The following SIX2 variants were observed in gnomAD, a reference collection of about 807,000 sequenced individuals.
The protein encoded by SIX2 is homeobox protein SIX2.
Under a neutral mutation model 22.8 loss-of-function variants are expected in SIX2, and 20 were observed. That is an observed-to-expected ratio of 0.88 (90% CI 0.62 to 1.28). The LOEUF (loss-of-function observed/expected upper bound fraction) is 1.28. Ranked by LOEUF, SIX2 falls within the 50% of genes most tolerant of loss-of-function variation. The pLI is 0.00. For synonymous variants in SIX2, 195 were observed against 186.4 expected (o/e 1.05, Z -0.37); for missense variants, 360 against 400.0 (o/e 0.90, Z 0.85).
In SIX2 at chr2:45,006,674, C is replaced by T. The variant is rs568875721; in HGVS notation, c.561-189G>A. Among the ~76,000 whole-genome samples, 4 of 152,198 alleles carry T rather than the reference C, an allele frequency of 2.6e-5. No individual in the cohort carries two copies. The highest frequency in any genetic ancestry group is 5.9e-5 in the Non-Finnish European group (4 of 68,036). Reference sequence around the variant, plus strand: ...TCTCCTTTCTGCCCGTTCTCTCCATCTCTCAACACCCAATTTCTCTTGCCC... The same window carrying T: ...TCTCCTTTCTGCCCGTTCTCTCCATTTCTCAACACCCAATTTCTCTTGCCC... On this transcript the variant is annotated intron_variant, in intron 1 of 1. Coordinates refer to ENST00000303077, the MANE Select transcript of SIX2 (RefSeq NM_016932.5). The surrounding 1 kb of genome is among the most constrained non-coding windows in gnomAD (Gnocchi z 4.2).
rs368542610 is a variant in SIX2, at chr2:45,006,330, C to T, written c.716G>A (p.Gly239Glu). The change falls in exon 2 of 2, where the codon GGG becomes GAG. Residue 239 changes from glycine (G) to glutamate (E), a missense_variant. Gly to Glu is a moderately conservative substitution (Grantham distance 98). Around this residue, in one of 3 missense-constraint regions of SIX2, gnomAD observed 235 missense variants for 231.9 expected, o/e 1.01. Transcript: ENST00000303077. The surrounding 1 kb of genome is among the most constrained non-coding windows in gnomAD (Gnocchi z 4.2). ...GCCCAGGCTGTGCAGGGACGGCAGC[C>T]CAGGGGGCGGCGGGCTGAGGAGCAG... The part of the protein sequence containing the change: ...PALLLSPPPP[G>E]LPSLHSLGHP... 5.0e-6 allele frequency: 8 copies of T among 1,613,940 alleles called. No individual in the cohort carries two copies. Among genetic ancestry groups the T allele is most frequent in the Non-Finnish European group, 5.9e-6 (7 of 1,179,852 alleles).
chr2:45,006,508 G>A lies in SIX2; in HGVS notation c.561-23C>T. The stretch of plus-strand genomic sequence containing the variant: ...TCCCTGCAAGTGCGGGAGCAAAGCA[G>A]CGGGGTCAGCAGGGACATCGAGACC... On this transcript the variant is annotated intron_variant, in intron 1 of 1. Transcript: ENST00000303077. The surrounding 1 kb of genome is among the most constrained non-coding windows in gnomAD (Gnocchi z 4.2). The A allele has an allele frequency of 6.2e-7, 1 of 1,608,408 alleles. No homozygotes were observed. The highest frequency in any genetic ancestry group is 2.2e-5 in the East Asian group (1 of 44,868).
chr2:45,006,601 G>A lies in SIX2; in HGVS notation c.561-116C>T. 1 of 1,006,462 alleles carries A rather than the reference G, an allele frequency of 9.9e-7. No individual in the cohort carries two copies. Among genetic ancestry groups the A allele is most frequent in the African/African-American group, 1.6e-5 (1 of 63,390 alleles). The allele number at this position is 1,006,462 out of a possible 1,614,324, so 62.3% of individuals were successfully genotyped here. ...TCGGGAGACAGATCCCGGGCTTGTG[G>A]CCTGCGGGTGTTTTCGGTTTCTACC... On this transcript the variant is annotated intron_variant, in intron 1 of 1. Transcript: ENST00000303077. This position sits in a 1 kb window ranked among gnomAD's most constrained non-coding sequence, Gnocchi z 4.2.
In SIX2 at chr2:45,008,541, TTACTCG is replaced by T. The variant is rs778544715; in HGVS notation, c.560+4_560+9del. 22 of 1,613,040 alleles carry T rather than the reference TTACTCG, an allele frequency of 1.4e-5. No individual in the cohort carries two copies. The Admixed American group carries it at 3.7e-4, about 27-fold the overall frequency. On this transcript the variant is annotated splice_donor_5th_base_variant and intron_variant, in intron 1 of 1. Transcript: ENST00000303077. ...GGAGCTGGCGCCGAAGAAGGTCTAC[TTACTCG>T]TACCTTTCCTTGGCCTCGGCCGCCC...
In SIX2 at chr2:45,006,392, T is replaced by A. The variant is rs1435570189; in HGVS notation, c.654A>T (p.Pro218=). ...VLGSSEDEKT[P]SGTPDHSSSS... is the part of the protein sequence containing the mutation. ...ATGATGAGTGGTCTGGCGTCCCCGA[T>A]GGAGTCTTCTCATCCTCCGAGCTGC... The change falls in exon 2 of 2, where the codon CCA becomes CCT. Residue 218 remains proline, a synonymous_variant. Transcript: ENST00000303077. The surrounding 1 kb of genome is among the most constrained non-coding windows in gnomAD (Gnocchi z 4.2). The A allele has an allele frequency of 2.5e-6, 4 of 1,614,080 alleles. No homozygotes were observed. The highest frequency in any genetic ancestry group is 3.4e-6 in the Non-Finnish European group (4 of 1,180,032).
chr2:45,005,564 C>A lies in SIX2; in HGVS notation c.*606G>T. On this transcript the variant is annotated 3_prime_UTR_variant, in exon 2 of 2. Transcript: ENST00000303077. ...GTCCCTGTATTTTCTCTCCTCTTCC[C>A]TCTCCCACCCCCTACTCCGGTAAAG... is the stretch of plus-strand genomic sequence containing the variant. 6.1e-6 allele frequency: 1 copy of A among 162,680 alleles called. No homozygotes were observed. Among genetic ancestry groups the A allele is most frequent in the South Asian group, 1.6e-4 (1 of 6,146 alleles). 10.1% of individuals were successfully genotyped at this position (162,680 alleles called of 1,614,324 possible).
chr2:45,007,241 G>A (rs1045625449), intron 1 of SIX2, among the ~76,000 whole-genome samples: 29 of 152,150 alleles, frequency 1.9e-4, no homozygotes, highest in Admixed American at 6.5e-5. Context: ...CAGCCACTCC[G>A]GGAATCTGCA....
rs1053608184 is a variant in SIX2, at chr2:45,006,125, C to T, written c.*45G>A. The T allele has an allele frequency of 1.2e-6, 2 of 1,602,588 alleles. No homozygotes were observed. The highest frequency in any genetic ancestry group is 1.3e-5 in the African/African-American group (1 of 74,756). On this transcript the variant is annotated 3_prime_UTR_variant, in exon 2 of 2. Transcript: ENST00000303077. This position sits in a 1 kb window ranked among gnomAD's most constrained non-coding sequence, Gnocchi z 4.2. ...CCCTGGACACCGCCACTCCACGTCC[C>T]CAGTGTCAAGTCACAAAAGGCAAGC...
rs201430813 is a variant in SIX2, at chr2:45,009,066, C to A, written c.45G>T (p.Ala15=). 8.3e-5 allele frequency: 133 copies of A among 1,601,762 alleles called. 1 individual carries two copies. In the African/African-American group the frequency reaches 1.4e-3, roughly 17 times the overall value. The change falls in exon 1 of 2, where the codon GCG becomes GCT. Residue 15 remains alanine (A), a synonymous_variant. Coordinates refer to ENST00000303077, the MANE Select transcript of SIX2 (RefSeq NM_016932.5). ...PTFGFTQEQV[A]CVCEVLQQGG... Reference sequence around the variant, plus strand: ...CCTGCTGCAGCACCTCGCACACGCACGCCACTTGCTCCTGCGTGAAGCCGA... The same window carrying A: ...CCTGCTGCAGCACCTCGCACACGCAAGCCACTTGCTCCTGCGTGAAGCCGA...
rs538272152 is a variant in SIX2 at position 45,006,707 on chromosome 2, C to G, written c.561-222G>C. Among the ~76,000 whole-genome samples the G allele has an allele frequency of 6.6e-6, 1 of 152,328 alleles. No individual in the cohort carries two copies. The highest frequency in any genetic ancestry group is 1.5e-5 in the Non-Finnish European group (1 of 68,028). On this transcript the variant is annotated intron_variant, in intron 1 of 1. Transcript: ENST00000303077. The surrounding 1 kb of genome is among the most constrained non-coding windows in gnomAD (Gnocchi z 4.2). The stretch of plus-strand genomic sequence containing the variant: ...ACCCAATTTCTCTTGCCCCTCTGCC[C>G]TTATCGTCCCCACCTCTCATGCTGT...
rs1189229819 is a variant in SIX2 at position 45,008,931 on chromosome 2, G to A, written c.180C>T (p.Arg60=). 3 of 1,613,882 alleles carry A rather than the reference G, an allele frequency of 1.9e-6. No homozygotes were observed. The South Asian group carries it at 3.3e-5, about 18-fold the overall frequency. Residue 60 remains arginine (R), a synonymous_variant, in exon 1 of 2, where the codon CGC becomes CGT. Transcript: ENST00000303077. Reference sequence around the variant, plus strand: ...TCTTGTAGAGCTCGCGGAAGTTGCCGCGGTGGAAGGCCACCACGGCCTTGG... The same window carrying A: ...TCTTGTAGAGCTCGCGGAAGTTGCCACGGTGGAAGGCCACCACGGCCTTGG... ...LKAKAVVAFH[R]GNFRELYKIL...
rs1667825160 is a variant in SIX2, at chr2:45,009,116, C to G, written c.-6G>C. On this transcript the variant is annotated 5_prime_UTR_variant, in exon 1 of 2. Transcript: ENST00000303077. ...AAGGTGGGCAGCATGGACATGGTGC[C>G]GGCTGCGTCCCCGCCCGCCCGCGCG... The G allele has an allele frequency of 3.9e-6, 6 of 1,550,654 alleles. No individual in the cohort carries two copies. The highest frequency in any genetic ancestry group is 2.3e-4 in the Middle Eastern group (1 of 4,372).
At position 45,005,754 on chromosome 2, in the gene SIX2, G is replaced by T. The variant is rs1417217218; in HGVS notation, c.*416C>A. On this transcript the variant is annotated 3_prime_UTR_variant, in exon 2 of 2. Transcript: ENST00000303077. The stretch of plus-strand genomic sequence containing the variant: ...AGACAGAAGGAGAGAATGAACGGTG[G>T]CAAGCTAGAAATCTAGAAGGAAAGC... The T allele has an allele frequency of 3.1e-6, 1 of 322,942 alleles. No homozygotes were observed. Among genetic ancestry groups the T allele is most frequent in the African/African-American group, 2.1e-5 (1 of 46,542 alleles). The allele number at this position is 322,942 out of a possible 1,614,324, so 20.0% of individuals were successfully genotyped here. A position where few individuals can be genotyped will look rare whatever the true frequency, so the allele number is the denominator to read the frequency against.
rs1451062432 is a variant in SIX2 at position 45,009,089 on chromosome 2, C to A, written c.22G>T (p.Gly8Cys). The A allele has an allele frequency of 1.6e-5, 26 of 1,585,736 alleles. No homozygotes were observed. Among genetic ancestry groups the A allele is most frequent in the South Asian group, 2.2e-5 (2 of 89,346 alleles). MSMLPTF[G>C]FTQEQVACVC... ...CACGCCACTTGCTCCTGCGTGAAGC[C>A]GAAGGTGGGCAGCATGGACATGGTG... is the stretch of plus-strand genomic sequence containing the variant. The change falls in exon 1 of 2, where the codon GGC becomes TGC. Residue 8 changes from glycine to cysteine, a missense_variant. Physicochemically the swap from Gly to Cys is radical, Grantham distance 159 (BLOSUM62 -3). Coordinates refer to ENST00000303077, the MANE Select transcript of SIX2 (RefSeq NM_016932.5).
chr2:45,009,147 T>C lies in SIX2; in HGVS notation c.-37A>G. ...CGTCCCCGCCCGCCCGCGCGCGCCC[T>C]CACCGGGCCGCGCGGTCCCGCATGG... On this transcript the variant is annotated 5_prime_UTR_variant, in exon 1 of 2. It removes the in-frame stop codon of an upstream open reading frame in the 5' UTR. Transcript: ENST00000303077. 11 of 1,469,548 alleles carry C rather than the reference T, an allele frequency of 7.5e-6. No individual in the cohort carries two copies. The highest frequency in any genetic ancestry group is 2.5e-4 in the Middle Eastern group (1 of 4,048). 91.0% of individuals were successfully genotyped at this position (1,469,548 alleles called of 1,614,324 possible).
chr2:45,008,384 C>T (rs965244941), intron 1 of SIX2, among the ~76,000 whole-genome samples, 167 bp downstream of exon 1: 1 of 152,284 alleles, frequency 6.6e-6, no homozygotes, highest in African/African-American at 2.4e-5. Context: ...GCCGGGTCTC[C>T]GGCATAGAAA....
Position 45,005,230 on chromosome 2 carries a change from A to G in SIX2, c.*940T>C, listed in dbSNP as rs559236812. 2 of 152,452 alleles carry G rather than the reference A, an allele frequency of 1.3e-5. No individual in the cohort carries two copies. Among genetic ancestry groups the G allele is most frequent in the South Asian group, 4.1e-4 (2 of 4,828 alleles). 9.4% of individuals were successfully genotyped at this position (152,452 alleles called of 1,614,324 possible). On this transcript the variant is annotated 3_prime_UTR_variant, in exon 2 of 2. Transcript: ENST00000303077. ...ATTTATGATTTCTAATTTTATTATA[A>G]AATAAAAGCAGAAATATTTCCCGAA...
Position 45,008,574 on chromosome 2 carries a change from G to A in SIX2, c.537C>T (p.Asp179=), listed in dbSNP as rs746242850. The stretch of plus-strand genomic sequence containing the variant: ...ACCTTTCCTTGGCCTCGGCCGCCCG[G>A]TCGCGCTGCCGCCGGTTCTTGAACC... ...SNWFKNRRQR[D]RAAEAKEREN... is the part of the protein sequence containing the mutation. The change falls in exon 1 of 2, where the codon GAC becomes GAT. Residue 179 remains aspartate, a synonymous_variant. Transcript: ENST00000303077. 5 of 1,613,892 alleles carry A rather than the reference G, an allele frequency of 3.1e-6. No homozygotes were observed. In the South Asian group the frequency reaches 5.5e-5, roughly 18 times the overall value.
At position 45,005,895 on chromosome 2, in the gene SIX2, A is replaced by C. The variant is rs1667742985; in HGVS notation, c.*275T>G. Reference sequence around the variant, plus strand: ...GAGGGTAAAAGGAAGAGACAGAGGGAGAGAGAGAATGACAGTGGTGTATAA... The same window carrying C: ...GAGGGTAAAAGGAAGAGACAGAGGGCGAGAGAGAATGACAGTGGTGTATAA... On this transcript the variant is annotated 3_prime_UTR_variant, in exon 2 of 2. Coordinates refer to ENST00000303077, the MANE Select transcript of SIX2 (RefSeq NM_016932.5). 1.8e-6 allele frequency: 1 copy of C among 564,394 alleles called. No individual in the cohort carries two copies. Among genetic ancestry groups the C allele is most frequent in the Admixed American group, 3.0e-5 (1 of 33,232 alleles). 35.0% of individuals were successfully genotyped at this position (564,394 alleles called of 1,614,324 possible).
Sources: gnomAD v4.1 joint callset for allele counts (sites outside exome capture counted in the v4.1 genomes callset) on GRCh38, gnomAD v4.1.1 for gene constraint, gnomAD v4.1.1 regional missense constraint, Gnocchi (gnomAD v3.1) non-coding constraint, MANE v1.5 for transcripts, NCBI Gene and HGNC (gene_info 2026-07-23, HGNC 2026-07-21) for gene names.